OR5V1: variants seen among roughly 807,000 people sequenced by gnomAD.
The protein encoded by OR5V1 is olfactory receptor 5V1.
For missense variants in OR5V1, 365 were observed against 371.5 expected, an observed-to-expected ratio of 0.98 and a Z score of 0.14; for synonymous variants, 134 against 143.2, an observed-to-expected ratio of 0.94 and a Z score of 0.46.
At chr6:29,357,480 C>T (rs910093045) in intron 1 of OR5V1, among the ~76,000 whole-genome samples, 1 of 152,132 alleles carries the variant, frequency 6.6e-6, no homozygotes, top group African/African-American at 2.4e-5. Context: ...AAACACTTCT[C>T]TTGTTTTGAA....
At chr6:29,358,286 C>A (rs1778410446) in intron 1 of OR5V1, among the ~76,000 whole-genome samples, 1 of 152,148 alleles carries the variant, frequency 6.6e-6, no homozygotes. Flanking sequence ...GAGGAATTAA[C>A]CCTTCTACTC....
intron 1 of OR5V1, among the ~76,000 whole-genome samples, chr6:29,358,253 T>A (rs886441716): frequency 3.3e-5 from 5 of 152,182 alleles, no homozygotes; most frequent in South Asian, 2.1e-4. Flanking sequence ...TCATCTTTTT[T>A]AACATTTCCT....
Position 29,355,647 on chromosome 6 carries a change from AG to A in OR5V1, c.548del (p.Pro183LeufsTer3). On this transcript the variant is annotated frameshift_variant, in exon 2 of 2. Transcript: ENST00000641768. LOFTEE classifies it low-confidence loss of function (END_TRUNC). ...QINYFFCDIP[P>X]LLILSCGNTS... Reference sequence around the variant, plus strand: ...TGTTTCCACAAGACAAGATCAGCAAAGGGGGGATGTCACAGAAGAAGTAATT... The same window carrying A: ...TGTTTCCACAAGACAAGATCAGCAAAGGGGGATGTCACAGAAGAAGTAATT... 2 of 1,614,004 alleles carry A rather than the reference AG, an allele frequency of 1.2e-6. No individual in the cohort carries two copies. Among genetic ancestry groups the A allele is most frequent in the Non-Finnish European group, 1.7e-6 (2 of 1,179,930 alleles).
At position 29,355,423 on chromosome 6, in the gene OR5V1, G is replaced by T. The variant is rs1196797431; in HGVS notation, c.773C>A (p.Thr258Lys). ...GTAAGTTGAGATGGGCCGTACATAT[G>T]TAAAGATGGCGCTGCCATAAAAGAG... is the stretch of plus-strand genomic sequence containing the variant. ...VFLFYGSAIF[T>K]YVRPISTYSL... The change falls in exon 2 of 2, where the codon ACA becomes AAA. Residue 258 changes from threonine to lysine, a missense_variant. By Grantham distance (78) the Thr-to-Lys change is moderately conservative (BLOSUM62 -1). Transcript: ENST00000641768. 13 of 1,614,042 alleles carry T rather than the reference G, an allele frequency of 8.1e-6. No homozygotes were observed. The highest frequency in any genetic ancestry group is 1.1e-5 in the Non-Finnish European group (13 of 1,179,914).
At chr6:29,360,343 C>T (rs559671859) in intron 1 of OR5V1, among the ~76,000 whole-genome samples, 46 of 152,332 alleles carry the variant, frequency 3.0e-4, no homozygotes, top group Admixed American at 9.2e-4. Context: ...GCAGCTTCAT[C>T]AGACTTAAGC....
chr6:29,358,855 G>A (rs1778437514), intron 1 of OR5V1, among the ~76,000 whole-genome samples: 1 of 152,152 alleles, frequency 6.6e-6, no homozygotes, highest in African/African-American at 2.4e-5. Context: ...CACAGGAGAA[G>A]TAACTTCTAA....
intron 1 of OR5V1, among the ~76,000 whole-genome samples, chr6:29,358,136 CA>C (rs1778402716): frequency 6.6e-6 from 1 of 152,084 alleles, no homozygotes; most frequent in Admixed American, 6.6e-5. Context: ...CACATTACCA[CA>C]ACTGAATAAA....
At chr6:29,366,388 A>T (rs1778858682) in intron 1 of OR5V1, among the ~76,000 whole-genome samples, 1 of 151,376 alleles carries the variant, frequency 6.6e-6, no homozygotes, top group Non-Finnish European at 1.5e-5. Context: ...GGCCATGCTG[A>T]ATTTGAGATA....
At chr6:29,362,356 C>T (rs1290729298) in intron 1 of OR5V1, among the ~76,000 whole-genome samples, 5 of 152,142 alleles carry the variant, frequency 3.3e-5, no homozygotes, top group Non-Finnish European at 2.9e-5. Context: ...TAACACTCCA[C>T]TGTCAATATT....
intron 1 of OR5V1, among the ~76,000 whole-genome samples, chr6:29,367,238 T>G (rs1000351547): frequency 1.3e-5 from 2 of 152,208 alleles, no homozygotes; most frequent in Non-Finnish European, 2.9e-5. Context: ...TCTTTTCTCT[T>G]CAAGTGAAAT....
intron 1 of OR5V1, among the ~76,000 whole-genome samples, chr6:29,361,138 C>T (rs964868773): frequency 4.0e-5 from 6 of 151,878 alleles, no homozygotes; most frequent in Non-Finnish European, 7.4e-5. Flanking sequence ...GAAGCATACA[C>T]AAGTATCAAT....
chr6:29,362,920 C>T (rs1425776966), intron 1 of OR5V1, among the ~76,000 whole-genome samples: 1 of 152,112 alleles, frequency 6.6e-6, no homozygotes, highest in African/African-American at 2.4e-5. Flanking sequence ...CATTCAAAAG[C>T]TAGCAGAAGA....
At chr6:29,363,584 CA>C (rs1216133068) in intron 1 of OR5V1, among the ~76,000 whole-genome samples, 1 of 152,130 alleles carries the variant, frequency 6.6e-6, no homozygotes, top group Non-Finnish European at 1.5e-5. Context: ...AGCAGCACAT[CA>C]AAAATCTTAT....
intron 1 of OR5V1, among the ~76,000 whole-genome samples, chr6:29,364,253 CT>C (rs1224234088): frequency 2.6e-5 from 4 of 152,170 alleles, no homozygotes; most frequent in Admixed American, 2.6e-4. Context: ...TGATGGACCT[CT>C]TTAAGGAGAA....
At chr6:29,356,369 C>G (rs1778310166) in intron 1 of OR5V1, 92 bp from the exon 2 acceptor site, 2 of 643,202 alleles carry the variant, frequency 3.1e-6, no homozygotes, top group Admixed American at 3.3e-5. Context: ...ACCATAGCTC[C>G]TACCTACCAT....
chr6:29,365,288 A>C (rs1260085038), intron 1 of OR5V1, among the ~76,000 whole-genome samples: 1 of 152,008 alleles, frequency 6.6e-6, no homozygotes, highest in Non-Finnish European at 1.5e-5. Context: ...AAAAGCCAAA[A>C]TTGACAAACG....
chr6:29,355,612 T>C lies in OR5V1; in HGVS notation c.584A>G (p.Asn195Ser). The change falls in exon 2 of 2, where the codon AAT becomes AGT. Residue 195 changes from asparagine to serine, a missense_variant. By Grantham distance (46) the Asn-to-Ser change is conservative. Coordinates refer to ENST00000641768, the MANE Select transcript of OR5V1 (RefSeq NM_030876.6). ...LILSCGNTSV[N>S]ELALLSTGVF... ...CCCAGTGGATAGCAGTGCCAACTCA[T>C]TGACAGAAGTGTTTCCACAAGACAA... 4 of 1,613,950 alleles carry C rather than the reference T, an allele frequency of 2.5e-6. No homozygotes were observed. The highest frequency in any genetic ancestry group is 2.2e-5 in the East Asian group (1 of 44,876).
At chr6:29,361,806 G>A (rs1778578004) in intron 1 of OR5V1, among the ~76,000 whole-genome samples, 1 of 151,896 alleles carries the variant, frequency 6.6e-6, no homozygotes, top group South Asian at 2.1e-4. Context: ...AAAGGAAAAA[G>A]TAGTACCAGC....
intron 1 of OR5V1, among the ~76,000 whole-genome samples, chr6:29,360,400 G>T (rs910789013): frequency 6.6e-6 from 1 of 152,166 alleles, no homozygotes; most frequent in Non-Finnish European, 1.5e-5. Context: ...CTGACAAGGA[G>T]GGTTCTCCCA....
Sources: gnomAD v4.1 joint callset for allele counts (sites outside exome capture counted in the v4.1 genomes callset) on GRCh38, gnomAD v4.1.1 for gene constraint, MANE v1.5 for transcripts, NCBI Gene and HGNC (gene_info 2026-07-23, HGNC 2026-07-21) for gene names.